The following LDAH variants were observed in gnomAD, a reference collection of about 807,000 sequenced individuals.
LDAH encodes the protein lipid droplet associated hydrolase.
Under a neutral mutation model 29.6 loss-of-function variants are expected in LDAH, and 26 were observed. That is an observed-to-expected ratio of 0.88 (90% confidence interval 0.64 to 1.22). The LOEUF is 1.22. Ranked by LOEUF, LDAH falls within the 50% of genes most tolerant of loss-of-function variation. The pLI is 0.00. For missense variants in LDAH, 344 were observed against 387.3 expected (o/e 0.89, Z 0.94); for synonymous variants, 117 against 133.0 (o/e 0.88, Z 0.83).
chr2:20,799,012 A>G (rs182115594), intron 2 of LDAH, among the ~76,000 whole-genome samples: 29 of 152,296 alleles, frequency 1.9e-4, no homozygotes, highest in Admixed American at 7.2e-4. Flanking sequence ...AGATCACTTG[A>G]GGCCAGGAGT....
At chr2:20,722,083 G>C (rs1665685856) in intron 5 of LDAH, among the ~76,000 whole-genome samples, 2 of 152,104 alleles carry the variant, frequency 1.3e-5, no homozygotes, top group Admixed American at 1.3e-4. Context: ...GAGCTAAAAA[G>C]TGAATCTTAC....
intron 6 of LDAH, among the ~76,000 whole-genome samples, chr2:20,693,591 G>A (rs2149336268): frequency 6.6e-6 from 1 of 152,220 alleles, no homozygotes; most frequent in East Asian, 1.9e-4. Context: ...TCTTGGTGTG[G>A]ATTCTATACT....
At chr2:20,721,735 A>T (rs1665665237) in intron 5 of LDAH, among the ~76,000 whole-genome samples, 1 of 152,174 alleles carries the variant, frequency 6.6e-6, no homozygotes, top group Non-Finnish European at 1.5e-5. Flanking sequence ...GAGTTTTCCC[A>T]AAAAACTAAA....
At chr2:20,800,270 A>T (rs666471) in intron 2 of LDAH, among the ~76,000 whole-genome samples, 22,092 of 152,276 alleles carry the variant, frequency 0.15, 3,911 homozygotes, top group African/African-American at 0.42. Flanking sequence ...CACATAACAA[A>T]GATACTTTCT....
intron 5 of LDAH, among the ~76,000 whole-genome samples, chr2:20,703,564 T>C (rs1469997864): frequency 6.6e-6 from 1 of 152,240 alleles, no homozygotes; most frequent in African/African-American, 2.4e-5. Context: ...CTGAGCCAAG[T>C]GGTATCTAGA....
intron 4 of LDAH, among the ~76,000 whole-genome samples, chr2:20,765,158 T>TG (rs1175011725): frequency 1.3e-5 from 2 of 152,182 alleles, no homozygotes; most frequent in African/African-American, 2.4e-5. Context: ...AAAAGACAAA[T>TG]GGAAGGAAAC....
chr2:20,777,398 T>C (rs781055392), intron 3 of LDAH, among the ~76,000 whole-genome samples: 101 of 152,184 alleles, frequency 6.6e-4, no homozygotes, highest in Admixed American at 2.0e-4. Context: ...GACTGAAAAT[T>C]TAAATGTGCT....
chr2:20,775,493 T>C (rs1350094702), intron 3 of LDAH, among the ~76,000 whole-genome samples: 1 of 152,222 alleles, frequency 6.6e-6, no homozygotes, highest in Admixed American at 6.5e-5. Flanking sequence ...TGGGTCCCAG[T>C]ACCACACATT....
chr2:20,731,568 A>G (rs2149422271), intron 5 of LDAH, among the ~76,000 whole-genome samples: 1 of 152,296 alleles, frequency 6.6e-6, no homozygotes, highest in East Asian at 1.9e-4. Context: ...ATCCATGAAC[A>G]CAGTATGTCT....
intron 4 of LDAH, among the ~76,000 whole-genome samples, chr2:20,762,578 A>ATAC (rs1339719552): frequency 6.6e-6 from 1 of 152,220 alleles, no homozygotes; most frequent in Non-Finnish European, 1.5e-5. Flanking sequence ...ACATTAGCAA[A>ATAC]TACTACCATA....
At chr2:20,705,458 T>C (rs1208696533) in intron 5 of LDAH, among the ~76,000 whole-genome samples, 1 of 152,186 alleles carries the variant, frequency 6.6e-6, no homozygotes, top group African/African-American at 2.4e-5. Flanking sequence ...AAATTTTCTT[T>C]TATTATTTCT....
intron 1 of LDAH, among the ~76,000 whole-genome samples, chr2:20,809,405 A>T (rs1252305823): frequency 6.6e-6 from 1 of 152,296 alleles, no homozygotes; most frequent in African/African-American, 2.4e-5. Flanking sequence ...CTCAAAAAAA[A>T]AGGAAAAGAC....
intron 4 of LDAH, among the ~76,000 whole-genome samples, chr2:20,762,379 GT>G (rs1668747861): frequency 6.6e-6 from 1 of 152,060 alleles, no homozygotes; most frequent in African/African-American, 2.4e-5. Context: ...ACAATGTAGA[GT>G]TTTCACTCCA....
intron 3 of LDAH, among the ~76,000 whole-genome samples, chr2:20,789,577 C>T (rs1670802568): frequency 6.6e-6 from 1 of 152,172 alleles, no homozygotes; most frequent in Non-Finnish European, 1.5e-5. Context: ...ATATGATTAG[C>T]AGGCCACGGT....
chr2:20,725,974 C>T (rs1665986223), intron 5 of LDAH, among the ~76,000 whole-genome samples: 1 of 152,246 alleles, frequency 6.6e-6, no homozygotes, highest in African/African-American at 2.4e-5. Context: ...TTATTTACCT[C>T]TGGACTGCCT....
intron 5 of LDAH, 66 bp from the exon 6 acceptor site, chr2:20,701,718 T>C (rs1356395108): frequency 3.6e-6 from 5 of 1,400,312 alleles, no homozygotes; most frequent in Non-Finnish European, 5.0e-6. Flanking sequence ...TTCAAATTAA[T>C]TTTAGTAAAT....
chr2:20,712,271 C>A (rs2149378048), intron 5 of LDAH, among the ~76,000 whole-genome samples: 1 of 152,322 alleles, frequency 6.6e-6, no homozygotes, highest in African/African-American at 2.4e-5. Context: ...CCAGCAAACT[C>A]CAACAGACCT....
At chr2:20,783,159 T>C (rs1287407070) in intron 3 of LDAH, among the ~76,000 whole-genome samples, 1 of 152,244 alleles carries the variant, frequency 6.6e-6, no homozygotes, top group Non-Finnish European at 1.5e-5. Flanking sequence ...TCTAGTTTAA[T>C]TCCACTGTGG....
intron 2 of LDAH, among the ~76,000 whole-genome samples, chr2:20,792,609 T>C (rs991369683): frequency 6.6e-6 from 1 of 152,176 alleles, no homozygotes; most frequent in Middle Eastern, 3.2e-3. Flanking sequence ...AACGAATGGA[T>C]AGCCACTTGC....
Sources: allele counts gnomAD v4.1 joint callset (sites outside exome capture counted in the v4.1 genomes callset), GRCh38; gene constraint gnomAD v4.1.1; transcripts MANE v1.5; gene names NCBI Gene and HGNC (gene_info 2026-07-23, HGNC 2026-07-21).